SCUBE2: variants seen among roughly 807,000 people sequenced by gnomAD.
SCUBE2 encodes signal peptide, CUB domain and EGF like domain containing 2.
In SCUBE2, 114 loss-of-function variants were observed where a neutral mutation model predicts 125.9. The ratio of observed to expected loss-of-function variants is 0.91; its 90% CI spans 0.78 to 1.06. The LOEUF is 1.06. SCUBE2 is among the 50% of genes least tolerant of loss of function. The probability of loss-of-function intolerance (pLI) is 0.00; values close to 1 mark genes in which losing one functional copy is unlikely to be tolerated. For synonymous variants in SCUBE2, 459 were observed against 492.9 expected (o/e 0.93, Z 0.91); for missense variants, 1,255 against 1,301.8 (o/e 0.96, Z 0.55).
At chr11:9,088,279 G>C (rs1862289703) in intron 2 of SCUBE2, among the ~76,000 whole-genome samples, 1 of 152,240 alleles carries the variant, frequency 6.6e-6, no homozygotes, top group African/African-American at 2.4e-5. Flanking sequence ...CCTGAGGTCA[G>C]GAGTTTGAGA....
intron 22 of SCUBE2, among the ~76,000 whole-genome samples, chr11:9,021,627 T>C (rs980223990): frequency 3.3e-5 from 5 of 152,256 alleles, no homozygotes; most frequent in Non-Finnish European, 7.3e-5. Flanking sequence ...GGTTTGGATT[T>C]ATAAGCAAAT....
intron 10 of SCUBE2, among the ~76,000 whole-genome samples, chr11:9,054,725 A>ATATTTTTTT (rs1368153935): frequency 8.9e-5 from 2 of 22,348 alleles, no homozygotes; most frequent in African/African-American, 4.3e-4. Context: ...ATATATATAT[A>ATATTTTTTT]TTTTTTTTTT....
chr11:9,043,863 C>T (rs1404854804), intron 16 of SCUBE2, among the ~76,000 whole-genome samples: 1 of 151,100 alleles, frequency 6.6e-6, no homozygotes, highest in Non-Finnish European at 1.5e-5. Context: ...ATAAATAATC[C>T]ATGTTAGCAA....
Position 9,053,067 on chromosome 11 carries a change from A to G in SCUBE2, c.1447+32T>C, listed in dbSNP as rs1319198842. The G allele has an allele frequency of 6.3e-6, 10 of 1,577,848 alleles. No homozygotes were observed. In the Admixed American group the frequency reaches 1.7e-4, roughly 26 times the overall value. On this transcript the variant is annotated intron_variant, in intron 12 of 22. Transcript: ENST00000649792. ...GCCAGAGAGGCCTGGCCCCAGTGTG[A>G]GGACCTGCCCCGGGAACTGGGCCCC... is the stretch of plus-strand genomic sequence containing the variant.
chr11:9,064,512 A>G (rs1480711236), intron 7 of SCUBE2: 1 of 151,730 alleles, frequency 6.6e-6, no homozygotes, highest in Non-Finnish European at 1.5e-5. Context: ...AAATAACTGT[A>G]TACCCTTCAT....
intron 4 of SCUBE2, among the ~76,000 whole-genome samples, chr11:9,073,960 G>A (rs745786420): frequency 4.6e-5 from 7 of 152,176 alleles, no homozygotes; most frequent in African/African-American, 1.2e-4. Context: ...ACCACAGCAC[G>A]GAAAGTCCAG....
chr11:9,025,467 T>C (rs1236920660), intron 21 of SCUBE2: 1 of 430,990 alleles, frequency 2.3e-6, no homozygotes, highest in Non-Finnish European at 4.2e-6. Context: ...GCCCATGTTC[T>C]TACTCACCAA....
chr11:9,075,541 G>T (rs1017534502), intron 3 of SCUBE2, among the ~76,000 whole-genome samples: 1 of 152,218 alleles, frequency 6.6e-6, no homozygotes, highest in Non-Finnish European at 1.5e-5. Flanking sequence ...AGATACAGCT[G>T]GGAGGACAGA....
intron 18 of SCUBE2, 139 bp from the exon 19 acceptor site, chr11:9,030,184 TCAA>T: frequency 8.8e-6 from 8 of 909,778 alleles, no homozygotes; most frequent in Non-Finnish European, 1.3e-5. Context: ...CTGGGGCTAA[TCAA>T]CACTTAATTC....
rs574616881 is a variant in SCUBE2, at chr11:9,086,166, G to A, written c.256+3541C>T. ...GAAGTAAGAACCATACAATAAATAAGCAAATAAGCAAAGATCATTTAGAAT... is the reference window on the plus strand; with the variant it reads ...GAAGTAAGAACCATACAATAAATAAACAAATAAGCAAAGATCATTTAGAAT... On this transcript the variant is annotated intron_variant, in intron 2 of 22. Coordinates refer to ENST00000649792, the MANE Select transcript of SCUBE2 (RefSeq NM_001367977.2). 3.9e-4 allele frequency among the ~76,000 whole-genome samples: 59 copies of A among 152,226 alleles called. 1 individual carries two copies. Among genetic ancestry groups the A allele is most frequent in the African/African-American group, 1.4e-3 (59 of 41,522 alleles).
Position 9,021,036 on chromosome 11 carries a change from T to C in SCUBE2, c.*9A>G, listed in dbSNP as rs1215495903. 1.9e-6 allele frequency: 3 copies of C among 1,612,246 alleles called. No homozygotes were observed. In the Admixed American group the frequency reaches 5.0e-5, roughly 27 times the overall value. On this transcript the variant is annotated 3_prime_UTR_variant, in exon 23 of 23. Coordinates refer to ENST00000649792, the MANE Select transcript of SCUBE2 (RefSeq NM_001367977.2). Reference sequence around the variant, plus strand: ...CAGAACATTTGTATTGAGTGGCACGTGGGCTGAGTCATTTGTAAGGTCTCA... The same window carrying C: ...CAGAACATTTGTATTGAGTGGCACGCGGGCTGAGTCATTTGTAAGGTCTCA...
chr11:9,057,941 G>A (rs542465309), intron 9 of SCUBE2, among the ~76,000 whole-genome samples: 1 of 152,272 alleles, frequency 6.6e-6, no homozygotes, highest in East Asian at 1.9e-4. Flanking sequence ...CAAAGGGAAG[G>A]TGCTCATCTA....
At chr11:9,027,012 C>T (rs1589993240) in intron 20 of SCUBE2, 5 of 277,022 alleles carry the variant, frequency 1.8e-5, no homozygotes, top group East Asian at 8.9e-5. Context: ...TGGCCAGGCT[C>T]GGTCAGTCTC....
At chr11:9,078,400 G>T (rs1003587554) in intron 3 of SCUBE2, among the ~76,000 whole-genome samples, 1 of 152,184 alleles carries the variant, frequency 6.6e-6, no homozygotes, top group Non-Finnish European at 1.5e-5. Flanking sequence ...GTGGGATAAA[G>T]GTCATATGAG....
chr11:9,032,149 G>T (rs1856363718), intron 17 of SCUBE2, among the ~76,000 whole-genome samples: 2 of 151,416 alleles, frequency 1.3e-5, no homozygotes, highest in Admixed American at 6.6e-5. Flanking sequence ...TTGAGACAGG[G>T]TCTCTGTTGC....
intron 7 of SCUBE2, 106 bp from the exon 8 acceptor site, chr11:9,060,630 C>T: frequency 3.5e-6 from 3 of 865,228 alleles, no homozygotes; most frequent in Admixed American, 1.8e-5. Context: ...ATGGTCATAC[C>T]CCAAGTCTCT....
At chr11:9,074,240 ATG>A (rs1182350075) in intron 4 of SCUBE2, among the ~76,000 whole-genome samples, 1 of 152,226 alleles carries the variant, frequency 6.6e-6, no homozygotes, top group Non-Finnish European at 1.5e-5. Context: ...GAATCAGAAA[ATG>A]TGAGAGTTTG....
chr11:9,046,011 T>C (rs1566190171), intron 16 of SCUBE2, among the ~76,000 whole-genome samples: 1 of 145,508 alleles, frequency 6.9e-6, no homozygotes, highest in Non-Finnish European at 1.5e-5. Flanking sequence ...CTTTTTTTTT[T>C]TTTTTTTTTT....
At chr11:9,053,349 A>G in intron 11 of SCUBE2, 134 bp from the exon 12 acceptor site, 2 of 785,972 alleles carry the variant, frequency 2.5e-6, no homozygotes, top group Non-Finnish European at 4.1e-6. Context: ...CATAGATGCT[A>G]GGCCTTATTC....
Sources: gnomAD v4.1 joint callset for allele counts (sites outside exome capture counted in the v4.1 genomes callset) on GRCh38, gnomAD v4.1.1 for gene constraint, MANE v1.5 for transcripts, NCBI Gene and HGNC (gene_info 2026-07-23, HGNC 2026-07-21) for gene names.